CNTN5: variants seen among roughly 807,000 people sequenced by gnomAD.
CNTN5 encodes the protein contactin-5.
Under a neutral mutation model 129.1 loss-of-function variants are expected in CNTN5, and 77 were observed. That is an observed-to-expected ratio of 0.60 (90% CI 0.50 to 0.72). The LOEUF is 0.72. Ranked by LOEUF, CNTN5 falls within the 30% of genes least tolerant of loss-of-function variation. The probability of loss-of-function intolerance (pLI) is 0.00; values close to 1 mark genes in which losing one functional copy is unlikely to be tolerated. For synonymous variants in CNTN5, 509 were observed against 465.6 expected (o/e 1.09, Z -1.20); for missense variants, 1,478 against 1,328.8 (o/e 1.11, Z -1.75).
At chr11:100,272,052 G>A (rs1301049635) in intron 18 of CNTN5, among the ~76,000 whole-genome samples, 1 of 152,052 alleles carries the variant, frequency 6.6e-6, no homozygotes, top group Non-Finnish European at 1.5e-5. Context: ...ATGTTGATAA[G>A]AACAATATGA....
At chr11:99,648,410 A>G (rs1952042954) in intron 3 of CNTN5, among the ~76,000 whole-genome samples, 1 of 151,736 alleles carries the variant, frequency 6.6e-6, no homozygotes, top group Admixed American at 6.6e-5. Context: ...CAAAAAGGCA[A>G]TACATAACAA....
intron 2 of CNTN5, among the ~76,000 whole-genome samples, chr11:99,488,159 GTTTTTTTT>G (rs10716491): frequency 8.8e-6 from 1 of 113,808 alleles, no homozygotes; most frequent in Non-Finnish European, 1.8e-5. Flanking sequence ...TCTCCAAGAA[GTTTTTTTT>G]TTTTTTTTTT....
At chr11:99,488,236 G>A (rs11827310) in intron 2 of CNTN5, among the ~76,000 whole-genome samples, 2 of 146,244 alleles carry the variant, frequency 1.4e-5, no homozygotes, top group African/African-American at 2.5e-5. Context: ...GCAGTGGCGC[G>A]ATCTCGGCTC....
At chr11:99,957,082 T>A (rs1048462384) in intron 8 of CNTN5, 73 bp downstream of exon 8, 3 of 1,289,026 alleles carry the variant, frequency 2.3e-6, no homozygotes, top group Non-Finnish European at 3.2e-6. Flanking sequence ...GTGTGTGTTT[T>A]TTTTTTAAGA....
chr11:99,656,937 G>C (rs1311092443), intron 3 of CNTN5, among the ~76,000 whole-genome samples: 5 of 89,894 alleles, frequency 5.6e-5, no homozygotes, highest in African/African-American at 1.8e-4. Flanking sequence ...ATTTAACCCA[G>C]ACATTTTGAA....
At chr11:99,453,178 G>A (rs934572014) in intron 2 of CNTN5, among the ~76,000 whole-genome samples, 9 of 152,246 alleles carry the variant, frequency 5.9e-5, no homozygotes, top group Non-Finnish European at 1.2e-4. Flanking sequence ...TTAGGCCCAT[G>A]TTTGATTAAG....
At chr11:99,236,750 A>G (rs1047855410) in intron 1 of CNTN5, among the ~76,000 whole-genome samples, 7 of 152,248 alleles carry the variant, frequency 4.6e-5, no homozygotes, top group Non-Finnish European at 4.4e-5. Flanking sequence ...CATACGATCG[A>G]AGTAACTGCT....
intron 6 of CNTN5, among the ~76,000 whole-genome samples, chr11:99,846,477 T>C (rs908445809): frequency 4.6e-5 from 7 of 151,792 alleles, no homozygotes; most frequent in East Asian, 1.9e-4. Flanking sequence ...AATAGGCTAA[T>C]AGGTAAAACC....
At chr11:99,957,113 T>A in intron 8 of CNTN5, 104 bp downstream of exon 8, 2 of 1,007,714 alleles carry the variant, frequency 2.0e-6, no homozygotes, top group Non-Finnish European at 2.9e-6. Flanking sequence ...ACAAATAAAA[T>A]AAAAAGGCAT....
At chr11:99,551,852 A>T (rs1948494805) in intron 2 of CNTN5, among the ~76,000 whole-genome samples, 1 of 152,156 alleles carries the variant, frequency 6.6e-6, no homozygotes, top group African/African-American at 2.4e-5. Flanking sequence ...CGTTGACTGA[A>T]ATGTCATTAT....
intron 2 of CNTN5, among the ~76,000 whole-genome samples, chr11:99,542,498 A>C (rs1049786376): frequency 3.3e-5 from 5 of 152,228 alleles, no homozygotes; most frequent in African/African-American, 1.2e-4. Context: ...AGGTTGTTCC[A>C]AAATAATTGT....
At chr11:99,491,197 C>T (rs1187527537) in intron 2 of CNTN5, among the ~76,000 whole-genome samples, 3 of 151,916 alleles carry the variant, frequency 2.0e-5, no homozygotes, top group East Asian at 1.9e-4. Context: ...TTTGTTAGGC[C>T]GTGTTGGCTG....
intron 1 of CNTN5, among the ~76,000 whole-genome samples, chr11:99,076,767 A>T (rs1865593769): frequency 6.6e-6 from 1 of 152,194 alleles, no homozygotes; most frequent in Admixed American, 6.5e-5. Flanking sequence ...GGTATTTGGA[A>T]AATCAATCTT....
At chr11:99,630,645 A>C (rs1315878150) in intron 3 of CNTN5, among the ~76,000 whole-genome samples, 1 of 152,100 alleles carries the variant, frequency 6.6e-6, no homozygotes, top group Non-Finnish European at 1.5e-5. Context: ...ATATTTAACT[A>C]TTAATTCTAC....
At chr11:99,058,643 C>T (rs949136428) in intron 1 of CNTN5, among the ~76,000 whole-genome samples, 2 of 152,038 alleles carry the variant, frequency 1.3e-5, no homozygotes, top group East Asian at 1.9e-4. Context: ...GAGCTGTCTG[C>T]TCTTCCCACA....
chr11:99,458,280 AGT>A (rs1944565975), intron 2 of CNTN5, among the ~76,000 whole-genome samples: 1 of 151,934 alleles, frequency 6.6e-6, no homozygotes, highest in Non-Finnish European at 1.5e-5. Flanking sequence ...GAACATAAAA[AGT>A]GTTTTAAAAT....
intron 6 of CNTN5, among the ~76,000 whole-genome samples, chr11:99,887,625 A>G (rs1948933870): frequency 6.6e-6 from 1 of 152,200 alleles, no homozygotes; most frequent in African/African-American, 2.4e-5. Flanking sequence ...CCTCAAAAGT[A>G]GGAAAGCTGA....
intron 13 of CNTN5, among the ~76,000 whole-genome samples, chr11:100,180,230 G>C (rs1186732230): frequency 6.6e-6 from 1 of 152,038 alleles, no homozygotes; most frequent in Admixed American, 6.6e-5. Context: ...GATGACTACA[G>C]TAATCAAGAC....
At chr11:99,639,059 C>G (rs896603719) in intron 3 of CNTN5, among the ~76,000 whole-genome samples, 2 of 152,214 alleles carry the variant, frequency 1.3e-5, no homozygotes, top group African/African-American at 2.4e-5. Context: ...CCAAGAGTTT[C>G]CATATATCTT....
Sources: gnomAD v4.1 joint callset for allele counts (sites outside exome capture counted in the v4.1 genomes callset) on GRCh38, gnomAD v4.1.1 for gene constraint, MANE v1.5 for transcripts, NCBI Gene and HGNC (gene_info 2026-07-23, HGNC 2026-07-21) for gene names.